MAPK1IP1L: variants seen among roughly 807,000 people sequenced by gnomAD.
MAPK1IP1L encodes the protein MAPK-interacting and spindle-stabilizing protein-like.
A neutral mutation model predicts 18.1 loss-of-function variants in MAPK1IP1L; 10 were observed. The ratio of observed to expected loss-of-function variants is 0.55; its 90% CI spans 0.34 to 0.94. MAPK1IP1L has a LOEUF of 0.94. Ranked by LOEUF, MAPK1IP1L falls within the 40% of genes least tolerant of loss-of-function variation. The pLI is 0.02. For missense variants in MAPK1IP1L, 260 were observed against 318.2 expected (o/e 0.82, Z 1.39); for synonymous variants, 115 against 117.3 (o/e 0.98, Z 0.13).
chr14:55,059,122 C>T (rs954625174), intron 1 of MAPK1IP1L, among the ~76,000 whole-genome samples: 1 of 150,022 alleles, frequency 6.7e-6, no homozygotes, highest in African/African-American at 2.5e-5. Context: ...ATAGATGTTC[C>T]CCTAGATTAA....
chr14:55,061,824 A>T, intron 2 of MAPK1IP1L, 123 bp downstream of exon 2: 1 of 741,142 alleles, frequency 1.3e-6, no homozygotes. Context: ...GGTGGTGTGC[A>T]CCTGTAGTCC....
intron 1 of MAPK1IP1L, among the ~76,000 whole-genome samples, chr14:55,055,042 G>A (rs2042760560): frequency 6.6e-6 from 1 of 152,156 alleles, no homozygotes; most frequent in Admixed American, 6.5e-5. Flanking sequence ...CCTTTCTTGA[G>A]TATAAATTGT....
rs1046120357 is a variant in MAPK1IP1L, at chr14:55,068,397, C to CA, written c.*3771dup. 6 of 152,734 alleles carry CA rather than the reference C, an allele frequency of 3.9e-5. No homozygotes were observed. The highest frequency in any genetic ancestry group is 1.9e-4 in the East Asian group (1 of 5,186). The allele number at this position is 152,734 out of a possible 1,614,324, so 9.5% of individuals were successfully genotyped here. A position where few individuals can be genotyped will look rare whatever the true frequency, so the allele number is the denominator to read the frequency against. On this transcript the variant is annotated 3_prime_UTR_variant, in exon 4 of 4. Transcript: ENST00000395468. The stretch of plus-strand genomic sequence containing the variant: ...AACTGTAGATGAAAAAAGCTCTACT[C>CA]AGAGTTTTTGTCAAGACTGTGCCTG...
rs113433341 is a variant in MAPK1IP1L, at chr14:55,058,831, C to CAA, written c.-4-2837_-4-2836dup. 8.9e-3 allele frequency among the ~76,000 whole-genome samples: 970 copies of CAA among 109,408 alleles called. 20 individuals are homozygous for CAA. The highest frequency in any genetic ancestry group is 0.057 in the South Asian group (203 of 3,570). 71.8% of individuals were successfully genotyped at this position (109,408 alleles called of 152,430 possible). A position where few individuals can be genotyped will look rare whatever the true frequency, so the allele number is the denominator to read the frequency against. ...TGGGCAACAGAGTGAGACCCTGTCT[C>CAA]AAAAAAAAAAAAATACTTGGGGGAA... On this transcript the variant is annotated intron_variant, in intron 1 of 3. Coordinates refer to ENST00000395468, the MANE Select transcript of MAPK1IP1L (RefSeq NM_144578.4).
rs775157372 is a variant in MAPK1IP1L at position 55,051,676 on chromosome 14, C to T, written c.-132C>T. The T allele has an allele frequency of 1.6e-5, 8 of 514,998 alleles. No individual in the cohort carries two copies. The highest frequency in any genetic ancestry group is 2.7e-5 in the Non-Finnish European group (7 of 259,028). 31.9% of individuals were successfully genotyped at this position (514,998 alleles called of 1,614,324 possible). A position where few individuals can be genotyped will look rare whatever the true frequency, so the allele number is the denominator to read the frequency against. ...CCTGTTCCGGCGCCAGGAGGAGCCGCGCGCTGCTGGTGCTGTTGCCGCCGC... is the reference window on the plus strand; with the variant it reads ...CCTGTTCCGGCGCCAGGAGGAGCCGTGCGCTGCTGGTGCTGTTGCCGCCGC... On this transcript the variant is annotated 5_prime_UTR_variant, in exon 1 of 4. Coordinates refer to ENST00000395468, the MANE Select transcript of MAPK1IP1L (RefSeq NM_144578.4).
rs2042820261 is a variant in MAPK1IP1L, at chr14:55,061,835, T to C, written c.18+134T>C. ...GCATGGTGGTGTGCACCTGTAGTCCTAGCTACTTGGGAGGATCCCTTGACC... is the reference window on the plus strand; with the variant it reads ...GCATGGTGGTGTGCACCTGTAGTCCCAGCTACTTGGGAGGATCCCTTGACC... On this transcript the variant is annotated intron_variant, in intron 2 of 3. Transcript: ENST00000395468. The C allele has an allele frequency of 4.5e-5, 30 of 664,738 alleles. No individual in the cohort carries two copies. The East Asian group carries it at 9.9e-4, about 22-fold the overall frequency. 41.2% of individuals were successfully genotyped at this position (664,738 alleles called of 1,614,324 possible).
At position 55,069,769 on chromosome 14, in the gene MAPK1IP1L, A is replaced by C. The variant is rs1446004488; in HGVS notation, c.*5142A>C. 6.6e-6 allele frequency: 1 copy of C among 152,202 alleles called. No individual in the cohort carries two copies. The highest frequency in any genetic ancestry group is 1.5e-5 in the Non-Finnish European group (1 of 68,040). The allele number at this position is 152,202 out of a possible 1,614,324, so 9.4% of individuals were successfully genotyped here. ...ATTGTGGTGATTTTCTCTTCTTTTA[A>C]GGCTAGGCTACTCTTGGTAACCAGA... On this transcript the variant is annotated 3_prime_UTR_variant, in exon 4 of 4. Coordinates refer to ENST00000395468, the MANE Select transcript of MAPK1IP1L (RefSeq NM_144578.4).
intron 1 of MAPK1IP1L, among the ~76,000 whole-genome samples, chr14:55,057,047 TTTATTA>T (rs1264193366): frequency 6.6e-6 from 1 of 152,248 alleles, no homozygotes; most frequent in Non-Finnish European, 1.5e-5. Context: ...TCTTGCTTTC[TTTATTA>T]ACAGAATAGG....
chr14:55,055,351 C>T (rs1221316581), intron 1 of MAPK1IP1L, among the ~76,000 whole-genome samples: 1 of 152,108 alleles, frequency 6.6e-6, no homozygotes, highest in Non-Finnish European at 1.5e-5. Flanking sequence ...TGTTTTTCAC[C>T]TTTTCTAATG....
chr14:55,052,653 C>T (rs563589178), intron 1 of MAPK1IP1L, among the ~76,000 whole-genome samples: 1 of 152,224 alleles, frequency 6.6e-6, no homozygotes, highest in South Asian at 2.1e-4. Context: ...AGGTCTGTTT[C>T]GAAAAGGAAC....
rs2042891833 is a variant in MAPK1IP1L at position 55,069,770 on chromosome 14, G to A, written c.*5143G>A. The A allele has an allele frequency of 6.6e-6, 1 of 152,134 alleles. No homozygotes were observed. The highest frequency in any genetic ancestry group is 1.5e-5 in the Non-Finnish European group (1 of 68,030). 9.4% of individuals were successfully genotyped at this position (152,134 alleles called of 1,614,324 possible). On this transcript the variant is annotated 3_prime_UTR_variant, in exon 4 of 4. Coordinates refer to ENST00000395468, the MANE Select transcript of MAPK1IP1L (RefSeq NM_144578.4). ...TTGTGGTGATTTTCTCTTCTTTTAA[G>A]GCTAGGCTACTCTTGGTAACCAGAT...
intron 1 of MAPK1IP1L, among the ~76,000 whole-genome samples, chr14:55,056,334 A>T (rs528233790): frequency 6.6e-6 from 1 of 152,336 alleles, no homozygotes; most frequent in African/African-American, 2.4e-5. Flanking sequence ...TCAACTCCAG[A>T]ATTAATATGA....
At position 55,061,605 on chromosome 14, in the gene MAPK1IP1L, T is replaced by A. The variant is rs978747471; in HGVS notation, c.-4-75T>A. 3.9e-6 allele frequency: 4 copies of A among 1,036,740 alleles called. No individual in the cohort carries two copies. The African/African-American group carries it at 6.5e-5, about 17-fold the overall frequency. 64.2% of individuals were successfully genotyped at this position (1,036,740 alleles called of 1,614,324 possible). Reference sequence around the variant, plus strand: ...AATAATGTATGCATAGAAAGTTCCTTAAGGAATATTTAAGAAATGGTGAAC... The same window carrying A: ...AATAATGTATGCATAGAAAGTTCCTAAAGGAATATTTAAGAAATGGTGAAC... On this transcript the variant is annotated intron_variant, in intron 1 of 3. Transcript: ENST00000395468.
rs777893931 is a variant in MAPK1IP1L at position 55,063,160 on chromosome 14, A to T, written c.561A>T (p.Pro187=). 3.7e-6 allele frequency: 6 copies of T among 1,613,678 alleles called. No individual in the cohort carries two copies. Among genetic ancestry groups the T allele is most frequent in the Non-Finnish European group, 5.1e-6 (6 of 1,179,964 alleles). ...PPPPQAPGAA[P]PVPWGTVPPG... ...CTCCCCAAGCCCCTGGGGCAGCACC[A>T]CCTGTTCCATGGGGCACCGTTCCAC... Residue 187 remains proline, a synonymous_variant, in exon 3 of 4, where the codon CCA becomes CCT. Transcript: ENST00000395468.
At chr14:55,055,714 T>G (rs574046698) in intron 1 of MAPK1IP1L, among the ~76,000 whole-genome samples, 1 of 152,256 alleles carries the variant, frequency 6.6e-6, no homozygotes, top group South Asian at 2.1e-4. Context: ...GCGGATTACT[T>G]GAGGCCAGGA....
intron 1 of MAPK1IP1L, among the ~76,000 whole-genome samples, chr14:55,057,582 C>T (rs547801312): frequency 2.0e-5 from 3 of 152,164 alleles, no homozygotes; most frequent in South Asian, 4.2e-4. Context: ...CATGGTGAAA[C>T]CCCGTCTCTA....
rs114757196 is a variant in MAPK1IP1L at position 55,063,193 on chromosome 14, C to G, written c.594C>G (p.Ala198=). The change falls in exon 3 of 4, where the codon GCC becomes GCG. Residue 198 remains alanine, a synonymous_variant. Coordinates refer to ENST00000395468, the MANE Select transcript of MAPK1IP1L (RefSeq NM_144578.4). The part of the protein sequence containing the change: ...PVPWGTVPPG[A]WGPPAPYPAP... ...CATGGGGCACCGTTCCACCAGGAGC[C>G]TGGGGACCACCAGCACCATATCCTG... 1.7e-3 allele frequency: 2,683 copies of G among 1,614,170 alleles called. 39 individuals carry two copies. In the African/African-American group the frequency reaches 0.031, roughly 19 times the overall value.
At chr14:55,063,406 A>C in intron 3 of MAPK1IP1L, 81 bp downstream of exon 3, 1 of 1,228,132 alleles carries the variant, frequency 8.1e-7, no homozygotes, top group Middle Eastern at 2.0e-4. Context: ...TTTGGATGGA[A>C]GATTAAGAAG....
At chr14:55,059,176 AT>A (rs199784478) in intron 1 of MAPK1IP1L, among the ~76,000 whole-genome samples, 33 of 132,452 alleles carry the variant, frequency 2.5e-4, no homozygotes, top group Admixed American at 4.0e-4. Flanking sequence ...TAACACATTA[AT>A]TTTTTTTTTT....
Sources: gnomAD v4.1 joint callset for allele counts (sites outside exome capture counted in the v4.1 genomes callset) on GRCh38, gnomAD v4.1.1 for gene constraint, MANE v1.5 for transcripts, NCBI Gene and HGNC (gene_info 2026-07-23, HGNC 2026-07-21) for gene names.